Variants in TBCK observed in about 807,000 individuals in gnomAD.
TBCK encodes TBC1 domain containing kinase.
Under a neutral mutation model 113.4 loss-of-function variants are expected in TBCK, and 99 were observed. That is an observed-to-expected ratio of 0.87 (90% CI 0.74 to 1.03). The LOEUF (loss-of-function observed/expected upper bound fraction) is 1.03. TBCK is among the 50% of genes least tolerant of loss of function. The pLI is 0.00. For synonymous variants in TBCK, 369 were observed against 370.8 expected (o/e 1.00, Z 0.05); for missense variants, 1,045 against 1,061.3 (o/e 0.98, Z 0.21).
intron 3 of TBCK, among the ~76,000 whole-genome samples, chr4:106,263,506 G>T (rs1762694250): frequency 6.6e-6 from 1 of 151,914 alleles, no homozygotes; most frequent in Non-Finnish European, 1.5e-5. Flanking sequence ...GGCTTGGGTG[G>T]GGGGTAGGTG....
intron 22 of TBCK, among the ~76,000 whole-genome samples, chr4:106,176,655 T>G (rs974746684): frequency 6.6e-6 from 1 of 152,062 alleles, no homozygotes; most frequent in African/African-American, 2.4e-5. Context: ...AGTGCAGACA[T>G]CTCTGCGATA....
At chr4:106,180,534 T>C (rs867805916) in intron 22 of TBCK, among the ~76,000 whole-genome samples, 44 of 151,942 alleles carry the variant, frequency 2.9e-4, no homozygotes, top group African/African-American at 1.0e-3. Flanking sequence ...ATCCTTCCCC[T>C]AGCCCCCACC....
At chr4:106,055,877 C>G (rs1378590368) in intron 25 of TBCK, among the ~76,000 whole-genome samples, 1 of 151,370 alleles carries the variant, frequency 6.6e-6, no homozygotes, top group East Asian at 1.9e-4. Context: ...AGACTATCAC[C>G]TGGAATTTGT....
At chr4:106,175,120 G>A (rs1286988011) in intron 22 of TBCK, among the ~76,000 whole-genome samples, 4 of 145,904 alleles carry the variant, frequency 2.7e-5, no homozygotes, top group African/African-American at 1.0e-4. Flanking sequence ...TGGCTACAGA[G>A]CAAGACTCTC....
At chr4:106,056,229 A>G (rs374731851) in intron 25 of TBCK, among the ~76,000 whole-genome samples, 1 of 150,918 alleles carries the variant, frequency 6.6e-6, no homozygotes, top group Non-Finnish European at 1.5e-5. Context: ...AACCTCCCCA[A>G]ACACCCAACC....
intron 6 of TBCK, among the ~76,000 whole-genome samples, 173 bp from the exon 7 acceptor site, chr4:106,250,651 C>A (rs552930215): frequency 6.6e-6 from 1 of 152,022 alleles, no homozygotes; most frequent in African/African-American, 2.4e-5. Flanking sequence ...GGTGAAATAA[C>A]ATTTTAGAAA....
At chr4:106,223,051 G>T (rs923287602) in intron 19 of TBCK, among the ~76,000 whole-genome samples, 17 of 151,882 alleles carry the variant, frequency 1.1e-4, no homozygotes, top group African/African-American at 4.1e-4. Flanking sequence ...TACTGTTTCA[G>T]GAAAAATCTC....
intron 25 of TBCK, among the ~76,000 whole-genome samples, chr4:106,091,385 C>T (rs368208865): frequency 6.6e-6 from 1 of 152,210 alleles, no homozygotes; most frequent in African/African-American, 2.4e-5. Context: ...AAACACCTCC[C>T]ACTGTGTCCG....
chr4:106,179,437 A>G (rs879572891), intron 22 of TBCK, among the ~76,000 whole-genome samples: 1 of 151,690 alleles, frequency 6.6e-6, no homozygotes, highest in Non-Finnish European at 1.5e-5. Context: ...GTATATTTCC[A>G]TTTTCATTTG....
At chr4:106,067,140 C>T (rs1736736529) in intron 25 of TBCK, among the ~76,000 whole-genome samples, 1 of 152,036 alleles carries the variant, frequency 6.6e-6, no homozygotes, top group Non-Finnish European at 1.5e-5. Flanking sequence ...ATTAATGCAC[C>T]AGGGTTCTAA....
At chr4:106,292,103 A>C in intron 3 of TBCK, among the ~76,000 whole-genome samples, 1 of 152,210 alleles carries the variant, frequency 6.6e-6, no homozygotes, top group East Asian at 1.9e-4. Context: ...ATGCAGACAC[A>C]GCGGCCACCA....
At chr4:106,238,051 A>G (rs1279262074) in intron 12 of TBCK, among the ~76,000 whole-genome samples, 1 of 152,108 alleles carries the variant, frequency 6.6e-6, no homozygotes, top group African/African-American at 2.4e-5. Context: ...AGTATTTTAA[A>G]TTTCACAAGT....
At position 106,316,186 on chromosome 4, in the gene TBCK, A is replaced by G. The variant is rs1768836326; in HGVS notation, c.-285T>C. 2 of 188,424 alleles carry G rather than the reference A, an allele frequency of 1.1e-5. No homozygotes were observed. Among genetic ancestry groups the G allele is most frequent in the Non-Finnish European group, 2.2e-5 (2 of 90,500 alleles). 11.7% of individuals were successfully genotyped at this position (188,424 alleles called of 1,614,324 possible). A position where few individuals can be genotyped will look rare whatever the true frequency, so the allele number is the denominator to read the frequency against. On this transcript the variant is annotated 5_prime_UTR_variant, in exon 1 of 26. Transcript: ENST00000394708. ...AGCGCAAGCCTGGCCTTCCCCAAACACAGATCCGAGCTTTTCACCCTCTAC... is the reference window on the plus strand; with the variant it reads ...AGCGCAAGCCTGGCCTTCCCCAAACGCAGATCCGAGCTTTTCACCCTCTAC...
chr4:106,189,336 C>A (rs1309817078), intron 22 of TBCK, among the ~76,000 whole-genome samples: 2 of 142,884 alleles, frequency 1.4e-5, no homozygotes, highest in Non-Finnish European at 3.0e-5. Context: ...GAGTGAGACT[C>A]CATCTCAAAA....
intron 10 of TBCK, among the ~76,000 whole-genome samples, chr4:106,246,395 C>T (rs1303261269): frequency 6.6e-6 from 1 of 152,034 alleles, no homozygotes; most frequent in East Asian, 1.9e-4. Context: ...ACCTTACATT[C>T]CAAGAGTCGT....
intron 12 of TBCK, among the ~76,000 whole-genome samples, chr4:106,240,382 T>A (rs1579359809): frequency 1.2e-3 from 1 of 824 alleles, no homozygotes; most frequent in African/African-American, 0.05. Flanking sequence ...TAGATAAGAA[T>A]TTGGAAATGA....
In TBCK at chr4:106,116,127, C is replaced by G. The variant is rs1249995315; in HGVS notation, c.2411+76G>C. 4 of 1,382,094 alleles carry G rather than the reference C, an allele frequency of 2.9e-6. No individual in the cohort carries two copies. The East Asian group carries it at 9.5e-5, about 33-fold the overall frequency. 85.6% of individuals were successfully genotyped at this position (1,382,094 alleles called of 1,614,324 possible). ...GAATCCCAGAATTTTTTTTTTTTAA[C>G]CACACAACACTTAAATGAAAGGATG... On this transcript the variant is annotated intron_variant, in intron 24 of 25. Coordinates refer to ENST00000394708, the MANE Select transcript of TBCK (RefSeq NM_001163435.3).
At position 106,150,102 on chromosome 4, in the gene TBCK, T is replaced by C. The variant is rs532078790; in HGVS notation, c.2235+20993A>G. On this transcript the variant is annotated intron_variant, in intron 23 of 25. Transcript: ENST00000394708. ...TCAGGGAGACAGAATTAAAAGAGAG[T>C]TGCCCTTTGGCAGTAAAAATAAAAA... Among the ~76,000 whole-genome samples the C allele has an allele frequency of 2.0e-5, 3 of 152,244 alleles. No individual in the cohort carries two copies. In the East Asian group the frequency reaches 5.8e-4, roughly 29 times the overall value.
rs80032628 is a variant in TBCK, at chr4:106,294,259, G to A, written c.266+835C>T. Among the ~76,000 whole-genome samples, 54 of 151,082 alleles carry A rather than the reference G, an allele frequency of 3.6e-4. 1 individual carries two copies. In the East Asian group the frequency reaches 9.9e-3, roughly 28 times the overall value. On this transcript the variant is annotated intron_variant, in intron 3 of 25. Coordinates refer to ENST00000394708, the MANE Select transcript of TBCK (RefSeq NM_001163435.3). ...AGGCTGGAGTGCAGTGGCGCATCGC[G>A]GCTCACCACAACCTCCGCCCCGCGG...
Sources: allele counts gnomAD v4.1 joint callset (sites outside exome capture counted in the v4.1 genomes callset), GRCh38; gene constraint gnomAD v4.1.1; transcripts MANE v1.5; gene names NCBI Gene and HGNC (gene_info 2026-07-23, HGNC 2026-07-21).